ELOVL4: variants seen among roughly 807,000 people sequenced by gnomAD.
ELOVL4 encodes ELOVL fatty acid elongase 4, also known as very long chain fatty acid elongase 4.
Under a neutral mutation model 42.1 loss-of-function variants are expected in ELOVL4, and 18 were observed. The observed-to-expected ratio is 0.43, with a 90% CI of 0.30 to 0.63. The LOEUF (loss-of-function observed/expected upper bound fraction) is 0.63, where lower values mean the gene tolerates loss of function less well. Among genes scored for constraint, ELOVL4 ranks in the 30% least tolerant of loss-of-function variants. ELOVL4 has a pLI of 0.15. For synonymous variants in ELOVL4, 117 were observed against 127.0 expected (o/e 0.92, Z 0.53); for missense variants, 299 against 376.2 (o/e 0.79, Z 1.70).
intron 1 of ELOVL4, among the ~76,000 whole-genome samples, chr6:79,931,914 T>C (rs948401389): frequency 6.6e-6 from 1 of 152,216 alleles, no homozygotes; most frequent in Non-Finnish European, 1.5e-5. Flanking sequence ...CATGATAGTT[T>C]TGAACAAAAT....
chr6:79,922,363 T>C (rs1439978676), intron 3 of ELOVL4, among the ~76,000 whole-genome samples: 6 of 151,960 alleles, frequency 3.9e-5, no homozygotes, highest in Admixed American at 1.3e-4. Flanking sequence ...ATCTTTAAAA[T>C]AAAAAATTGG....
chr6:79,923,383 A>G (rs1774289663), intron 3 of ELOVL4, among the ~76,000 whole-genome samples: 1 of 146,228 alleles, frequency 6.8e-6, no homozygotes, highest in South Asian at 2.5e-4. Context: ...GAAAATTTAC[A>G]TCTGTAAGTG....
chr6:79,928,724 T>C (rs1774388588), intron 1 of ELOVL4, among the ~76,000 whole-genome samples: 1 of 130,394 alleles, frequency 7.7e-6, no homozygotes, highest in Non-Finnish European at 1.6e-5. Context: ...GACTGGTGAC[T>C]GGGTTTTTTT....
chr6:79,931,333 C>G (rs952070382), intron 1 of ELOVL4, among the ~76,000 whole-genome samples: 4 of 151,846 alleles, frequency 2.6e-5, no homozygotes, highest in African/African-American at 9.7e-5. Context: ...AGAAATGATC[C>G]CTTTATCTTA....
At chr6:79,943,257 T>G (rs1272596033) in intron 1 of ELOVL4, among the ~76,000 whole-genome samples, 3 of 152,194 alleles carry the variant, frequency 2.0e-5, no homozygotes, top group Non-Finnish European at 4.4e-5. Flanking sequence ...TGCTTTTACT[T>G]CAGCTTATTT....
At chr6:79,927,544 A>T (rs1774364988) in intron 1 of ELOVL4, among the ~76,000 whole-genome samples, 1 of 152,180 alleles carries the variant, frequency 6.6e-6, no homozygotes, top group African/African-American at 2.4e-5. Flanking sequence ...TTACTTAAAA[A>T]ATTAATCTGT....
In ELOVL4 at chr6:79,919,411, T is replaced by G; in HGVS notation, c.669+9A>C. 1.9e-6 allele frequency: 3 copies of G among 1,613,704 alleles called. No homozygotes were observed. The South Asian group carries it at 3.3e-5, about 18-fold the overall frequency. On this transcript the variant is annotated intron_variant, in intron 5 of 5. Coordinates refer to ENST00000369816, the MANE Select transcript of ELOVL4 (RefSeq NM_022726.4). ...TTACCAGAAGAAACTTTGGAAGCATTTAACTCACCAGTTGCAACATAGTCA... is the reference window on the plus strand; with the variant it reads ...TTACCAGAAGAAACTTTGGAAGCATGTAACTCACCAGTTGCAACATAGTCA...
At chr6:79,935,567 G>A (rs1774528126) in intron 1 of ELOVL4, among the ~76,000 whole-genome samples, 1 of 152,096 alleles carries the variant, frequency 6.6e-6, no homozygotes. Flanking sequence ...CTAGCCCCAT[G>A]ATGATGAACC....
chr6:79,941,636 C>T (rs1774646490), intron 1 of ELOVL4, among the ~76,000 whole-genome samples: 1 of 152,062 alleles, frequency 6.6e-6, no homozygotes, highest in Non-Finnish European at 1.5e-5. Context: ...CTGAGGTGGG[C>T]AGATCACATG....
chr6:79,933,799 T>TA (rs1774496450), intron 1 of ELOVL4, among the ~76,000 whole-genome samples: 1 of 152,030 alleles, frequency 6.6e-6, no homozygotes, highest in Non-Finnish European at 1.5e-5. Flanking sequence ...CACTAGGACA[T>TA]AAGAGATGAT....
At chr6:79,921,236 C>T (rs1462774228) in intron 4 of ELOVL4, among the ~76,000 whole-genome samples, 3 of 151,596 alleles carry the variant, frequency 2.0e-5, no homozygotes, top group Non-Finnish European at 2.9e-5. Context: ...CCGAGGCAGG[C>T]GGATCACAAG....
At chr6:79,933,432 T>C (rs1401104443) in intron 1 of ELOVL4, among the ~76,000 whole-genome samples, 2 of 152,082 alleles carry the variant, frequency 1.3e-5, no homozygotes, top group Non-Finnish European at 2.9e-5. Flanking sequence ...GGATTCGCCA[T>C]GTTGCTCAGG....
chr6:79,918,756 T>G (rs967194201), intron 5 of ELOVL4, among the ~76,000 whole-genome samples: 1 of 152,214 alleles, frequency 6.6e-6, no homozygotes. Context: ...ATCTGAAAGG[T>G]ACACTAATGC....
intron 3 of ELOVL4, 26 bp from the exon 4 acceptor site, chr6:79,921,822 A>T (rs700483): frequency 6.2e-7 from 1 of 1,610,406 alleles, no homozygotes; most frequent in Non-Finnish European, 8.5e-7. Context: ...GCGTGTTATA[A>T]ACACCAAAAT....
chr6:79,917,829 G>GA (rs1582043702), intron 5 of ELOVL4, among the ~76,000 whole-genome samples: 1 of 151,332 alleles, frequency 6.6e-6, no homozygotes, highest in Admixed American at 6.6e-5. Context: ...CCCAAAAAAA[G>GA]AAAAAAATAA....
chr6:79,918,201 C>T (rs1774192169), intron 5 of ELOVL4, among the ~76,000 whole-genome samples: 1 of 152,020 alleles, frequency 6.6e-6, no homozygotes, highest in African/African-American at 2.4e-5. Flanking sequence ...GCCATGTAAG[C>T]TAAAAATTTA....
intron 1 of ELOVL4, among the ~76,000 whole-genome samples, chr6:79,946,228 C>T (rs1774738521): frequency 6.6e-6 from 1 of 152,134 alleles, no homozygotes; most frequent in South Asian, 2.1e-4. Context: ...TCCTTTAAAC[C>T]TTATTTTAGA....
At chr6:79,940,752 T>G (rs755707617) in intron 1 of ELOVL4, among the ~76,000 whole-genome samples, 1 of 152,272 alleles carries the variant, frequency 6.6e-6, no homozygotes, top group Non-Finnish European at 1.5e-5. Flanking sequence ...CGACATAATA[T>G]GCCATCCTCA....
chr6:79,930,155 C>A (rs1269452864), intron 1 of ELOVL4, among the ~76,000 whole-genome samples: 1 of 152,194 alleles, frequency 6.6e-6, no homozygotes, highest in African/African-American at 2.4e-5. Flanking sequence ...AGCTCAATGA[C>A]CTTTTACTTC....
Sources: gnomAD v4.1 joint callset for allele counts (sites outside exome capture counted in the v4.1 genomes callset) on GRCh38, gnomAD v4.1.1 for gene constraint, MANE v1.5 for transcripts, NCBI Gene and HGNC (gene_info 2026-07-23, HGNC 2026-07-21) for gene names.